EP400: variants seen among roughly 807,000 people sequenced by gnomAD.
EP400 encodes the protein E1A-binding protein p400.
A neutral mutation model predicts 354.1 loss-of-function variants in EP400; 105 were observed. The observed-to-expected ratio is 0.30, with a 90% confidence interval of 0.25 to 0.35. EP400 has a LOEUF of 0.35. Among genes scored for constraint, EP400 ranks in the 10% least tolerant of loss-of-function variants. The pLI is 1.00. For missense variants in EP400, 3,280 were observed against 4,121.0 expected (o/e 0.80, Z 5.59); for synonymous variants, 1,646 against 1,716.9 (o/e 0.96, Z 1.02).
At chr12:131,984,683 A>G (rs1015797735) in intron 5 of EP400, among the ~76,000 whole-genome samples, 2 of 152,090 alleles carry the variant, frequency 1.3e-5, no homozygotes. Context: ...AGCTGTGGAA[A>G]ATGGTTTTAT....
chr12:131,972,158 CT>C (rs549560277), intron 2 of EP400, among the ~76,000 whole-genome samples: 1,722 of 110,026 alleles, frequency 0.016, 39 homozygotes, highest in South Asian at 0.11. Context: ...TTTTCTTTTT[CT>C]TTTTTTTTTT....
chr12:132,061,665 A>T (rs980247520), intron 45 of EP400, among the ~76,000 whole-genome samples: 6 of 152,180 alleles, frequency 3.9e-5, no homozygotes, highest in African/African-American at 1.4e-4. Context: ...TGAAGGTAAG[A>T]TGCCACAAGA....
intron 2 of EP400, among the ~76,000 whole-genome samples, chr12:131,972,254 G>A (rs1310647821): frequency 6.6e-6 from 1 of 151,444 alleles, no homozygotes; most frequent in Non-Finnish European, 1.5e-5. Flanking sequence ...CTGGGTTCAC[G>A]CCATTCTCCT....
rs534521752 is a variant in EP400, at chr12:131,990,396, C to T, written c.2551-240C>T. ...TTAGCGTGAGTCACCACCACGGTTACTTCTAGAGCGGTCGCTCGCTCACTT... is the reference window on the plus strand; with the variant it reads ...TTAGCGTGAGTCACCACCACGGTTATTTCTAGAGCGGTCGCTCGCTCACTT... On this transcript the variant is annotated intron_variant, in intron 8 of 52. Transcript: ENST00000389561. The surrounding 1 kb of genome is among the most constrained non-coding windows in gnomAD (Gnocchi z 4.2). Among the ~76,000 whole-genome samples the T allele has an allele frequency of 6.0e-4, 92 of 152,322 alleles. No individual in the cohort carries two copies. Among genetic ancestry groups the T allele is most frequent in the African/African-American group, 2.1e-3 (88 of 41,568 alleles).
rs1186131265 is a variant in EP400 at position 132,027,942 on chromosome 12, G to T, written c.5110-75G>T. The T allele has an allele frequency of 1.3e-6, 2 of 1,511,394 alleles. No individual in the cohort carries two copies. Among genetic ancestry groups the T allele is most frequent in the Middle Eastern group, 1.8e-4 (1 of 5,574 alleles). The allele number at this position is 1,511,394 out of a possible 1,614,324, so 93.6% of individuals were successfully genotyped here. A position where few individuals can be genotyped will look rare whatever the true frequency, so the allele number is the denominator to read the frequency against. ...CTCATATGTGGGAAATCACGGGCTG[G>T]GTGGGGGGTTGGTGAAGACAGGAAC... is the stretch of plus-strand genomic sequence containing the variant. On this transcript the variant is annotated intron_variant, in intron 26 of 52. Transcript: ENST00000389561. This position sits in a 1 kb window ranked among gnomAD's most constrained non-coding sequence, Gnocchi z 4.9.
intron 2 of EP400, among the ~76,000 whole-genome samples, chr12:131,975,691 CT>C (rs147089454): frequency 0.015 from 2,334 of 152,166 alleles, 61 homozygotes; most frequent in African/African-American, 0.053. Flanking sequence ...TCCCAAGTAG[CT>C]GGGAGTACAG....
At chr12:131,970,904 G>A (rs927513648) in intron 2 of EP400, among the ~76,000 whole-genome samples, 2 of 152,156 alleles carry the variant, frequency 1.3e-5, no homozygotes, top group African/African-American at 4.8e-5. Context: ...AGTATACAGT[G>A]CAATATTATT....
At chr12:132,074,491 CGTT>C (rs1741580989) in intron 51 of EP400, among the ~76,000 whole-genome samples, 1 of 152,156 alleles carries the variant, frequency 6.6e-6, no homozygotes, top group South Asian at 2.1e-4. Context: ...GTTATCGAGA[CGTT>C]GTCTTTGTCT....
At chr12:132,062,396 T>C (rs1427723321) in intron 46 of EP400, 70 bp from the exon 47 acceptor site, 4 of 1,609,994 alleles carry the variant, frequency 2.5e-6, no homozygotes, top group Non-Finnish European at 3.4e-6. Flanking sequence ...TGCTGCTTGC[T>C]GTCTGAGAAT....
At chr12:131,953,309 A>G (rs1891582757) in intron 1 of EP400, among the ~76,000 whole-genome samples, 2 of 152,188 alleles carry the variant, frequency 1.3e-5, no homozygotes, top group African/African-American at 4.8e-5. Flanking sequence ...TTATAACCTT[A>G]TTATTTGGTG....
chr12:132,021,260 C>A lies in EP400; in HGVS notation c.4629C>A (p.Ala1543=). 7 of 1,537,600 alleles carry A rather than the reference C, an allele frequency of 4.6e-6. No individual in the cohort carries two copies. Among genetic ancestry groups the A allele is most frequent in the Non-Finnish European group, 6.1e-6 (7 of 1,147,852 alleles). The part of the protein sequence containing the change: ...PPQPQAPSHA[A]GQSALPQRLV... ...AGCCCCAGGCCCCCTCGCACGCGGC[C>A]GGGCAGAGCGCGCTGCCTCAGAGGC... is the stretch of plus-strand genomic sequence containing the variant. The change falls in exon 23 of 53, where the codon GCC becomes GCA. Residue 1543 remains alanine, a synonymous_variant. Coordinates refer to ENST00000389561, the MANE Select transcript of EP400 (RefSeq NM_015409.5).
chr12:132,014,834 G>T (rs574125345), intron 19 of EP400, among the ~76,000 whole-genome samples: 3 of 152,300 alleles, frequency 2.0e-5, no homozygotes, highest in African/African-American at 2.4e-5. Context: ...CAGACGCCAG[G>T]TGATCGTATG....
At chr12:132,034,554 C>G (rs924749361) in intron 30 of EP400, among the ~76,000 whole-genome samples, 1 of 152,168 alleles carries the variant, frequency 6.6e-6, no homozygotes, top group Non-Finnish European at 1.5e-5. Flanking sequence ...CTCAGTGTTG[C>G]GGGTGGGAGT....
At chr12:131,987,929 T>C (rs762652574) in intron 7 of EP400, 39 bp downstream of exon 7, 1 of 1,515,914 alleles carries the variant, frequency 6.6e-7, no homozygotes, top group Non-Finnish European at 8.9e-7. Flanking sequence ...CTGTGTGCGT[T>C]GGTGGGGGCT....
intron 12 of EP400, among the ~76,000 whole-genome samples, chr12:132,002,231 G>A (rs2035215024): frequency 6.6e-6 from 1 of 152,080 alleles, no homozygotes; most frequent in South Asian, 2.1e-4. Context: ...TTAAATTTAA[G>A]CCTGTTCTAT....
At chr12:131,954,044 C>G (rs1337781006) in intron 1 of EP400, among the ~76,000 whole-genome samples, 1 of 151,944 alleles carries the variant, frequency 6.6e-6, no homozygotes, top group Admixed American at 6.6e-5. Flanking sequence ...GCCCAGGAGA[C>G]AGAGGTTGCA....
At chr12:132,019,680 T>C (rs1345391359) in intron 21 of EP400, among the ~76,000 whole-genome samples, 1 of 152,200 alleles carries the variant, frequency 6.6e-6, no homozygotes, top group East Asian at 1.9e-4. Flanking sequence ...GATCAGACTT[T>C]TGTCAAGTTG....
At chr12:132,041,001 G>A (rs927545993) in intron 32 of EP400, among the ~76,000 whole-genome samples, 11 of 152,310 alleles carry the variant, frequency 7.2e-5, no homozygotes, top group Admixed American at 5.9e-4. Flanking sequence ...ACATGTGGGG[G>A]CAGCAGGCGG....
rs1893973602 is a variant in EP400 at position 132,017,238 on chromosome 12, C to T, written c.3924-297C>T. 6.6e-6 allele frequency among the ~76,000 whole-genome samples: 1 copy of T among 152,232 alleles called. No individual in the cohort carries two copies. Among genetic ancestry groups the T allele is most frequent in the Non-Finnish European group, 1.5e-5 (1 of 68,040 alleles). ...CCTGCCCCTCACTTTGCTCATCCCC[C>T]TTGGATGCCCCCACTTCTCTTTCAG... On this transcript the variant is annotated intron_variant, in intron 19 of 52. Coordinates refer to ENST00000389561, the MANE Select transcript of EP400 (RefSeq NM_015409.5). This position sits in a 1 kb window ranked among gnomAD's most constrained non-coding sequence, Gnocchi z 5.0.
Sources: allele counts gnomAD v4.1 joint callset (sites outside exome capture counted in the v4.1 genomes callset), GRCh38; gene constraint gnomAD v4.1.1; non-coding constraint Gnocchi (gnomAD v3.1); transcripts MANE v1.5; gene names NCBI Gene and HGNC (gene_info 2026-07-23, HGNC 2026-07-21).